Variants in SHROOM3 observed in about 807,000 individuals in gnomAD.
SHROOM3 encodes the protein shroom family member 3, also known as protein Shroom3.
SHROOM3 carries 47 observed loss-of-function variants against 138.6 expected under a neutral mutation model. That is an observed-to-expected ratio of 0.34 (90% confidence interval 0.27 to 0.43). The LOEUF (loss-of-function observed/expected upper bound fraction) is 0.43, where lower values mean the gene tolerates loss of function less well. Ranked by LOEUF, SHROOM3 falls within the 20% of genes least tolerant of loss-of-function variation. SHROOM3 has a pLI of 1.00. For synonymous variants in SHROOM3, 1,062 were observed against 1,063.3 expected, an observed-to-expected ratio of 1.00 and a Z score of 0.02; for missense variants, 2,491 against 2,596.5, an observed-to-expected ratio of 0.96 and a Z score of 0.88.
At chr4:76,522,014 T>C (rs1732576246) in intron 1 of SHROOM3, among the ~76,000 whole-genome samples, 1 of 151,912 alleles carries the variant, frequency 6.6e-6, no homozygotes, top group South Asian at 2.1e-4. Flanking sequence ...CAAATCCAAA[T>C]TTGGGGGCAA....
intron 2 of SHROOM3, among the ~76,000 whole-genome samples, chr4:76,659,076 C>T (rs763098910): frequency 7.2e-5 from 11 of 152,106 alleles, no homozygotes; most frequent in Middle Eastern, 3.4e-3. Flanking sequence ...ATTCAGATCC[C>T]ATTCTTCCTT....
rs1474489952 is a variant in SHROOM3 at position 76,740,790 on chromosome 4, G to A, written c.2617G>A (p.Asp873Asn). 1 of 1,610,864 alleles carries A rather than the reference G, an allele frequency of 6.2e-7. No homozygotes were observed. Among genetic ancestry groups the A allele is most frequent in the Non-Finnish European group, 8.5e-7 (1 of 1,179,008 alleles). ...TCAGCAGCTGAGCGGAGGAGCGTCG[G>A]ACAGCGGCCGTGGCCCCCAGAGGCC... ...CGQQLSGGAS[D>N]SGRGPQRPDA... The change falls in exon 5 of 11, where the codon GAC (aspartate) becomes AAC (asparagine). Residue 873 changes from aspartate (D) to asparagine (N), a missense_variant. By Grantham distance (23) the Asp-to-Asn change is conservative. Transcript: ENST00000296043. The surrounding 1 kb of genome is among the most constrained non-coding windows in gnomAD (Gnocchi z 4.0).
At chr4:76,742,870 C>T (rs1721306614) in intron 5 of SHROOM3, among the ~76,000 whole-genome samples, 1 of 152,170 alleles carries the variant, frequency 6.6e-6, no homozygotes, top group Non-Finnish European at 1.5e-5. Context: ...GCTGTTTTCC[C>T]TTTCAGAGAA....
chr4:76,442,793 TTCTC>T (rs370103075), intron 1 of SHROOM3, among the ~76,000 whole-genome samples: 1 of 151,822 alleles, frequency 6.6e-6, no homozygotes, highest in African/African-American at 2.4e-5. Context: ...TTGATTCCTT[TTCTC>T]TCTCTCTCTC....
chr4:76,622,754 T>A (rs1735037276), intron 2 of SHROOM3, among the ~76,000 whole-genome samples: 1 of 152,140 alleles, frequency 6.6e-6, no homozygotes, highest in Non-Finnish European at 1.5e-5. Flanking sequence ...ATTTTTATTG[T>A]TCCCTACCCT....
At chr4:76,603,491 A>G (rs143770290) in intron 2 of SHROOM3, among the ~76,000 whole-genome samples, 1 of 152,314 alleles carries the variant, frequency 6.6e-6, no homozygotes, top group East Asian at 1.9e-4. Context: ...CAGGACATCT[A>G]TTGATTGATT....
At chr4:76,646,126 G>A (rs1283918105) in intron 2 of SHROOM3, among the ~76,000 whole-genome samples, 2 of 151,060 alleles carry the variant, frequency 1.3e-5, no homozygotes, top group Non-Finnish European at 2.9e-5. Context: ...TGTAAACGAT[G>A]AGTTAACGGG....
chr4:76,729,942 T>C (rs1720825920), intron 3 of SHROOM3, among the ~76,000 whole-genome samples: 1 of 152,202 alleles, frequency 6.6e-6, no homozygotes, highest in Admixed American at 6.5e-5. Flanking sequence ...CCCATAAAAG[T>C]GTTTCTAAAC....
chr4:76,680,791 G>A (rs1719169971), intron 2 of SHROOM3, among the ~76,000 whole-genome samples: 1 of 152,154 alleles, frequency 6.6e-6, no homozygotes, highest in African/African-American at 2.4e-5. Context: ...GCTGCAGCCA[G>A]GACTCAAATT....
At chr4:76,726,602 C>T (rs1720713255) in intron 3 of SHROOM3, among the ~76,000 whole-genome samples, 1 of 149,860 alleles carries the variant, frequency 6.7e-6, no homozygotes, top group African/African-American at 2.5e-5. Flanking sequence ...AATGCAGTGG[C>T]ACACAGTCAT....
intron 1 of SHROOM3, among the ~76,000 whole-genome samples, chr4:76,541,322 G>A (rs990702662): frequency 6.6e-6 from 1 of 152,040 alleles, no homozygotes; most frequent in East Asian, 1.9e-4. Flanking sequence ...ATTATTTAAA[G>A]AATTAGGTAA....
At chr4:76,555,006 C>G (rs1432453271) in intron 1 of SHROOM3, among the ~76,000 whole-genome samples, 1 of 151,390 alleles carries the variant, frequency 6.6e-6, no homozygotes, top group African/African-American at 2.4e-5. Flanking sequence ...AGATCTGTCA[C>G]TATCTCTCAT....
At chr4:76,754,243 G>A in intron 6 of SHROOM3, 68 bp from the exon 7 acceptor site, 2 of 1,591,922 alleles carry the variant, frequency 1.3e-6, no homozygotes, top group South Asian at 2.2e-5. Flanking sequence ...ATCTATGTAA[G>A]GAGCATTGGG....
intron 2 of SHROOM3, among the ~76,000 whole-genome samples, chr4:76,564,678 A>G (rs1467605227): frequency 6.6e-6 from 1 of 152,206 alleles, no homozygotes; most frequent in Non-Finnish European, 1.5e-5. Context: ...TGGGTTACAT[A>G]TGCTTACTGG....
intron 2 of SHROOM3, among the ~76,000 whole-genome samples, chr4:76,608,334 C>G (rs1330847659): frequency 6.6e-6 from 1 of 152,196 alleles, no homozygotes; most frequent in African/African-American, 2.4e-5. Context: ...ACCATTTTCC[C>G]CATTACCTTA....
chr4:76,713,355 T>C (rs1455269426), intron 3 of SHROOM3, among the ~76,000 whole-genome samples: 1 of 152,152 alleles, frequency 6.6e-6, no homozygotes, highest in Non-Finnish European at 1.5e-5. Context: ...TTTTAAACAT[T>C]TTTGTTAAAA....
intron 1 of SHROOM3, among the ~76,000 whole-genome samples, chr4:76,445,736 C>T (rs1730791817): frequency 6.6e-6 from 1 of 152,134 alleles, no homozygotes; most frequent in African/African-American, 2.4e-5. Flanking sequence ...CACCAAGAGT[C>T]TTTCTCTATT....
Position 76,666,677 on chromosome 4 carries a change from T to C in SHROOM3, c.324-43479T>C, listed in dbSNP as rs1335080974. Among the ~76,000 whole-genome samples, 5 of 152,170 alleles carry C rather than the reference T, an allele frequency of 3.3e-5. No individual in the cohort carries two copies. The East Asian group carries it at 9.6e-4, about 29-fold the overall frequency. On this transcript the variant is annotated intron_variant, in intron 2 of 10. Coordinates refer to ENST00000296043, the MANE Select transcript of SHROOM3 (RefSeq NM_020859.4). ...AAACCAAAACGAGAATGTGGGAAGA[T>C]GTTATAAGATGTATGATAAAGATCT...
At chr4:76,669,289 CTT>C in intron 2 of SHROOM3, among the ~76,000 whole-genome samples, 1 of 151,954 alleles carries the variant, frequency 6.6e-6, no homozygotes, top group East Asian at 1.9e-4. Flanking sequence ...GGGAATCTGT[CTT>C]TAAGTAGGGA....
Sources: gnomAD v4.1 joint callset for allele counts (sites outside exome capture counted in the v4.1 genomes callset) on GRCh38, gnomAD v4.1.1 for gene constraint, Gnocchi (gnomAD v3.1) non-coding constraint, MANE v1.5 for transcripts, NCBI Gene and HGNC (gene_info 2026-07-23, HGNC 2026-07-21) for gene names.